MSI1: variants seen among roughly 807,000 people sequenced by gnomAD.
MSI1 encodes the protein RNA-binding protein Musashi homolog 1.
In MSI1, 15 loss-of-function variants were observed where a neutral mutation model predicts 54.4. The ratio of observed to expected loss-of-function variants is 0.28; its 90% CI spans 0.18 to 0.42. The LOEUF (loss-of-function observed/expected upper bound fraction) is 0.42, where lower values mean the gene tolerates loss of function less well. Ranked by LOEUF, MSI1 falls within the 20% of genes least tolerant of loss-of-function variation. MSI1 has a pLI of 1.00. For synonymous variants in MSI1, 200 were observed against 196.5 expected, an observed-to-expected ratio of 1.02 and a Z score of -0.15; for missense variants, 304 against 506.0, an observed-to-expected ratio of 0.60 and a Z score of 3.83.
At chr12:120,356,093 G>C (rs986661259) in intron 9 of MSI1, among the ~76,000 whole-genome samples, 1 of 152,106 alleles carries the variant, frequency 6.6e-6, no homozygotes, top group East Asian at 1.9e-4. Flanking sequence ...ACCTCTTCCA[G>C]GAAGTCTCCT....
At chr12:120,348,433 C>A (rs1874318169) in intron 11 of MSI1, among the ~76,000 whole-genome samples, 1 of 152,200 alleles carries the variant, frequency 6.6e-6, no homozygotes, top group African/African-American at 2.4e-5. Flanking sequence ...TCAGATGCCA[C>A]CTCCTCTAAG....
At chr12:120,357,117 T>A (rs1243043478) in intron 8 of MSI1, 98 bp from the exon 9 acceptor site, 1 of 1,096,270 alleles carries the variant, frequency 9.1e-7, no homozygotes, top group African/African-American at 1.6e-5. Context: ...TTAATTTCAC[T>A]GTCCAGCTGA....
chr12:120,345,049 A>G (rs1055420360), intron 14 of MSI1, among the ~76,000 whole-genome samples: 1 of 150,114 alleles, frequency 6.7e-6, no homozygotes, highest in Non-Finnish European at 1.5e-5. Context: ...ATAATAATAA[A>G]CGATCTTAAA....
intron 14 of MSI1, 142 bp downstream of exon 14, chr12:120,345,428 T>C: frequency 5.9e-6 from 4 of 683,506 alleles, no homozygotes; most frequent in Non-Finnish European, 1.0e-5. Context: ...TTCATCTTTA[T>C]TGACCACAGC....
Position 120,342,907 on chromosome 12 carries a change from G to A in MSI1, c.*220C>T, listed in dbSNP as rs1314041579. 1 of 150,012 alleles carries A rather than the reference G, an allele frequency of 6.7e-6. No individual in the cohort carries two copies. Among genetic ancestry groups the A allele is most frequent in the African/African-American group, 2.5e-5 (1 of 40,660 alleles). 9.3% of individuals were successfully genotyped at this position (150,012 alleles called of 1,614,324 possible). On this transcript the variant is annotated 3_prime_UTR_variant, in exon 15 of 15. Coordinates refer to ENST00000257552, the MANE Select transcript of MSI1 (RefSeq NM_002442.4). ...CCGGGAGAGGGGCGGGTGGGGATGG[G>A]GGCAAGGGCGAAGAGGGGGACGTTA...
rs1019774588 is a variant in MSI1 at position 120,345,154 on chromosome 12, C to A, written c.*21+416G>T. 1.7e-4 allele frequency among the ~76,000 whole-genome samples: 26 copies of A among 151,430 alleles called. 1 individual carries two copies. On this transcript the variant is annotated intron_variant, in intron 14 of 14. Transcript: ENST00000257552. The stretch of plus-strand genomic sequence containing the variant: ...ATCCCTTGAGCCCAGGAGTTTGAGA[C>A]CAGCCTGGGCAACACAGTGAAACCC...
chr12:120,350,734 T>A (rs1672099737), intron 11 of MSI1, among the ~76,000 whole-genome samples: 1 of 152,188 alleles, frequency 6.6e-6, no homozygotes. Context: ...ACCGGCCCCC[T>A]GTCACCTTCA....
At chr12:120,363,581 CCCTGT>C (rs1875830101) in intron 5 of MSI1, among the ~76,000 whole-genome samples, 1 of 152,106 alleles carries the variant, frequency 6.6e-6, no homozygotes, top group Non-Finnish European at 1.5e-5. Context: ...GTGGCCCCAG[CCCTGT>C]TTTAGGAAGA....
At chr12:120,349,947 C>G (rs950069263) in intron 11 of MSI1, among the ~76,000 whole-genome samples, 1 of 152,236 alleles carries the variant, frequency 6.6e-6, no homozygotes, top group Admixed American at 6.5e-5. Context: ...GCTCCCCTCT[C>G]TAAACTGCGA....
chr12:120,369,125 C>T lies in MSI1; in HGVS notation c.-34G>A. 2 of 999,382 alleles carry T rather than the reference C, an allele frequency of 2.0e-6. No individual in the cohort carries two copies. The highest frequency in any genetic ancestry group is 2.4e-6 in the Non-Finnish European group (2 of 843,708). The allele number at this position is 999,382 out of a possible 1,614,324, so 61.9% of individuals were successfully genotyped here. A position where few individuals can be genotyped will look rare whatever the true frequency, so the allele number is the denominator to read the frequency against. On this transcript the variant is annotated 5_prime_UTR_variant, in exon 1 of 15. Transcript: ENST00000257552. Reference sequence around the variant, plus strand: ...GCGGGCGGCGCGGGCAGCGGAGCGGCGGCGGCGGCGGCGGCGGCGGCGCTC... The same window carrying T: ...GCGGGCGGCGCGGGCAGCGGAGCGGTGGCGGCGGCGGCGGCGGCGGCGCTC...
chr12:120,360,512 C>T (rs1465982155), intron 6 of MSI1, among the ~76,000 whole-genome samples: 1 of 152,222 alleles, frequency 6.6e-6, no homozygotes, highest in African/African-American at 2.4e-5. Context: ...GGCACTCTCA[C>T]TCCCATCCTA....
rs73416940 is a variant in MSI1 at position 120,351,288 on chromosome 12, C to A, written c.790+56G>T. The A allele has an allele frequency of 6.2e-4, 919 of 1,492,776 alleles. 7 individuals are homozygous for A. In the African/African-American group the frequency reaches 0.012, roughly 19 times the overall value. The allele number at this position is 1,492,776 out of a possible 1,614,324, so 92.5% of individuals were successfully genotyped here. A position where few individuals can be genotyped will look rare whatever the true frequency, so the allele number is the denominator to read the frequency against. ...AGCTTTCCCCAGGAAACTCCCTGGG[C>A]CCCTTCTGTTTCTCCCCATGTGGCC... On this transcript the variant is annotated intron_variant, in intron 11 of 14. Transcript: ENST00000257552.
At chr12:120,358,818 T>G (rs569320972) in intron 7 of MSI1, among the ~76,000 whole-genome samples, 187 bp downstream of exon 7, 52 of 152,250 alleles carry the variant, frequency 3.4e-4, no homozygotes, top group African/African-American at 1.2e-3. Flanking sequence ...CTCGTGTGTC[T>G]GCAATTCGGC....
In MSI1 at chr12:120,368,044, C is replaced by A. The variant is rs1481112147; in HGVS notation, c.231G>T (p.Val77=). 6.2e-7 allele frequency: 1 copy of A among 1,613,600 alleles called. No individual in the cohort carries two copies. The highest frequency in any genetic ancestry group is 1.1e-5 in the South Asian group (1 of 90,954). ...TFMDQAGVDK[V]LAQSRHELDS... is the part of the protein sequence containing the mutation. ...CGAGCTCGTGCCGCGATTGCGCCAG[C>A]ACTTTATCCACCCCCGCCTGGTCCA... is the stretch of plus-strand genomic sequence containing the variant. Residue 77 remains valine (V), a synonymous_variant, in exon 4 of 15, where the codon GTG becomes GTT. Transcript: ENST00000257552. This position sits in a 1 kb window ranked among gnomAD's most constrained non-coding sequence, Gnocchi z 6.6.
intron 7 of MSI1, among the ~76,000 whole-genome samples, chr12:120,358,468 A>G (rs1875331571): frequency 1.3e-5 from 2 of 152,254 alleles, no homozygotes; most frequent in South Asian, 4.1e-4. Context: ...AAGTCCTGAA[A>G]CAACTGGAGA....
intron 6 of MSI1, among the ~76,000 whole-genome samples, 158 bp downstream of exon 6, chr12:120,362,885 C>T (rs1469268345): frequency 6.6e-6 from 1 of 152,206 alleles, no homozygotes; most frequent in African/African-American, 2.4e-5. Context: ...AGCCAGGAGG[C>T]TGCAAGGTGG....
At position 120,356,930 on chromosome 12, in the gene MSI1, G is replaced by A. The variant is rs200525271; in HGVS notation, c.624C>T (p.Asp208=). Residue 208 remains aspartate (D), a synonymous_variant, in exon 9 of 15, where the codon GAC becomes GAT. Transcript: ENST00000257552. ...GRSRVMPYGM[D]AFMLGIGMLG... The stretch of plus-strand genomic sequence containing the variant: ...GCATGCCGATGCCCAGCATGAAGGC[G>A]TCCATTCCGTAGGGCATGACTCGAG... 28 of 1,614,158 alleles carry A rather than the reference G, an allele frequency of 1.7e-5. No homozygotes were observed. Among genetic ancestry groups the A allele is most frequent in the South Asian group, 1.4e-4 (13 of 91,088 alleles).
rs1301668498 is a variant in MSI1 at position 120,368,960 on chromosome 12, C to G, written c.59+73G>C. The G allele has an allele frequency of 3.3e-5, 39 of 1,179,128 alleles. No individual in the cohort carries two copies. The highest frequency in any genetic ancestry group is 3.6e-5 in the Non-Finnish European group (34 of 948,870). 73.0% of individuals were successfully genotyped at this position (1,179,128 alleles called of 1,614,324 possible). A position where few individuals can be genotyped will look rare whatever the true frequency, so the allele number is the denominator to read the frequency against. ...CGCGGGCCCGGGCTCCGGGGAGGCC[C>G]GGCCGGACCCGGATCGGCCATGTTG... On this transcript the variant is annotated intron_variant, in intron 1 of 14. Coordinates refer to ENST00000257552, the MANE Select transcript of MSI1 (RefSeq NM_002442.4). This position sits in a 1 kb window ranked among gnomAD's most constrained non-coding sequence, Gnocchi z 6.6.
chr12:120,353,478 A>T, intron 9 of MSI1, 99 bp from the exon 10 acceptor site: 1 of 1,017,710 alleles, frequency 9.8e-7, no homozygotes, highest in African/African-American at 1.6e-5. Context: ...ACCTTCCTTT[A>T]TCATGAATAA....
Sources: gnomAD v4.1 joint callset for allele counts (sites outside exome capture counted in the v4.1 genomes callset) on GRCh38, gnomAD v4.1.1 for gene constraint, Gnocchi (gnomAD v3.1) non-coding constraint, MANE v1.5 for transcripts, NCBI Gene and HGNC (gene_info 2026-07-23, HGNC 2026-07-21) for gene names.